Variants in ARL6IP6 observed in about 807,000 individuals in gnomAD.
ARL6IP6 encodes the protein ADP-ribosylation factor-like protein 6-interacting protein 6.
A neutral mutation model predicts 21.5 loss-of-function variants in ARL6IP6; 22 were observed. The ratio of observed to expected loss-of-function variants is 1.02; its 90% CI spans 0.73 to 1.46. The LOEUF is 1.46. Ranked by LOEUF, ARL6IP6 falls within the 40% of genes most tolerant of loss-of-function variation. The probability of loss-of-function intolerance (pLI) is 0.00; values close to 1 mark genes in which losing one functional copy is unlikely to be tolerated. For missense variants in ARL6IP6, 388 were observed against 299.8 expected, an observed-to-expected ratio of 1.29 and a Z score of -2.17; for synonymous variants, 164 against 125.3, an observed-to-expected ratio of 1.31 and a Z score of -2.06.
intron 1 of ARL6IP6, among the ~76,000 whole-genome samples, chr2:152,719,703 A>G (rs1055915377): frequency 6.6e-6 from 1 of 150,408 alleles, no homozygotes; most frequent in Non-Finnish European, 1.5e-5. Context: ...AGCAGAGTTA[A>G]GTTTAAATTT....
At chr2:152,718,564 G>C, upstream of ARL6IP6, 1 of 1,486,888 alleles carries the variant, frequency 6.7e-7, no homozygotes. Flanking sequence ...GGCTGTTGCG[G>C]ACCCGGGGCG....
Position 152,760,708 on chromosome 2 carries a change from A to G in ARL6IP6, c.*868A>G, listed in dbSNP as rs1012111112. The G allele has an allele frequency of 6.6e-6, 1 of 151,980 alleles. No homozygotes were observed. The highest frequency in any genetic ancestry group is 2.4e-5 in the African/African-American group (1 of 41,404). 9.4% of individuals were successfully genotyped at this position (151,980 alleles called of 1,614,324 possible). On this transcript the variant is annotated 3_prime_UTR_variant, in exon 4 of 4. Coordinates refer to ENST00000326446, the MANE Select transcript of ARL6IP6 (RefSeq NM_152522.7). ...TCCAAATATTTATCTTGGTGTATAT[A>G]TTGTTACTTTAACAGAACTTGCATT...
At chr2:152,750,171 G>A (rs1701257069) in intron 3 of ARL6IP6, among the ~76,000 whole-genome samples, 1 of 151,948 alleles carries the variant, frequency 6.6e-6, no homozygotes, top group African/African-American at 2.4e-5. Context: ...TTGCTACCTG[G>A]GATACTTACA....
At chr2:152,717,764 A>T, upstream of ARL6IP6, 12 of 1,262,844 alleles carry the variant, frequency 9.5e-6, no homozygotes, top group Non-Finnish European at 1.2e-5. Flanking sequence ...CTCACCCCGT[A>T]GGGGGTGGGG....
chr2:152,720,140 C>T (rs2105080753), intron 1 of ARL6IP6: 1 of 68,924 alleles, frequency 1.5e-5, no homozygotes, highest in South Asian at 8.5e-5. Flanking sequence ...TGGTTTATTT[C>T]TGTTTTGCTC....
Position 152,757,358 on chromosome 2 carries a change from A to T in ARL6IP6, c.588-2389A>T, listed in dbSNP as rs573056176. Among the ~76,000 whole-genome samples, 7 of 152,304 alleles carry T rather than the reference A, an allele frequency of 4.6e-5. 1 individual carries two copies. In the South Asian group the frequency reaches 1.4e-3, roughly 32 times the overall value. ...GCATTGAACTGTATATAAATGTTAG[A>T]CATTTGCATTTTACTGGTATGCTTT... On this transcript the variant is annotated intron_variant, in intron 3 of 3. Transcript: ENST00000326446.
upstream of ARL6IP6, chr2:152,718,524 G>T (rs1288798325): frequency 2.0e-6 from 3 of 1,470,336 alleles, no homozygotes; most frequent in Non-Finnish European, 2.7e-6. Flanking sequence ...GGGCTCTGAG[G>T]CCTGGTGGTA....
chr2:152,726,532 G>A lies in ARL6IP6; in HGVS notation c.454+5946G>A, dbSNP rs141255920. 1.6e-3 allele frequency among the ~76,000 whole-genome samples: 239 copies of A among 152,254 alleles called. 2 individuals are homozygous for A. The highest frequency in any genetic ancestry group is 4.2e-3 in the Admixed American group (64 of 15,286). The stretch of plus-strand genomic sequence containing the variant: ...AGGATACCAAATTATTTAAAATAAT[G>A]GTCATCCTCTCAAGTTAGAAAACTA... On this transcript the variant is annotated intron_variant, in intron 2 of 3. Coordinates refer to ENST00000326446, the MANE Select transcript of ARL6IP6 (RefSeq NM_152522.7).
chr2:152,752,730 C>T (rs1364031228), intron 3 of ARL6IP6, among the ~76,000 whole-genome samples: 1 of 152,176 alleles, frequency 6.6e-6, no homozygotes, highest in African/African-American at 2.4e-5. Flanking sequence ...GATGTTTGCC[C>T]TTTCCATCTG....
At chr2:152,752,112 CT>C (rs1048569539) in intron 3 of ARL6IP6, among the ~76,000 whole-genome samples, 3 of 152,176 alleles carry the variant, frequency 2.0e-5, no homozygotes, top group Admixed American at 2.0e-4. Context: ...AGGTCCTTTC[CT>C]TTCCCTTATC....
At chr2:152,726,069 G>A (rs1278555246) in intron 2 of ARL6IP6, among the ~76,000 whole-genome samples, 1 of 152,076 alleles carries the variant, frequency 6.6e-6, no homozygotes, top group Non-Finnish European at 1.5e-5. Context: ...TTTAAAGCTG[G>A]ATGATGGGTA....
rs186835785 is a variant in ARL6IP6 at position 152,762,206 on chromosome 2, T to C, written c.*2366T>C. On this transcript the variant is annotated 3_prime_UTR_variant, in exon 4 of 4. Coordinates refer to ENST00000326446, the MANE Select transcript of ARL6IP6 (RefSeq NM_152522.7). ...AGGATTTTTCAGCTTGAAATTAAGA[T>C]GTGACGAAGCTGGGAAAATGCAAGC... Among the ~76,000 whole-genome samples the C allele has an allele frequency of 2.0e-5, 3 of 152,236 alleles. No homozygotes were observed. The highest frequency in any genetic ancestry group is 3.9e-4 in the East Asian group (2 of 5,168).
intron 2 of ARL6IP6, among the ~76,000 whole-genome samples, chr2:152,731,800 C>CT (rs1165572740): frequency 6.6e-6 from 1 of 152,050 alleles, no homozygotes; most frequent in Non-Finnish European, 1.5e-5. Context: ...TTTAAAATAT[C>CT]TAAGTACAAT....
chr2:152,733,219 A>G (rs908029553), intron 2 of ARL6IP6, among the ~76,000 whole-genome samples: 22 of 151,968 alleles, frequency 1.4e-4, no homozygotes, highest in African/African-American at 2.2e-4. Context: ...TTATTAATCT[A>G]TTTGGGCCTT....
At chr2:152,759,381 CA>C (rs1257965737) in intron 3 of ARL6IP6, among the ~76,000 whole-genome samples, 1 of 152,142 alleles carries the variant, frequency 6.6e-6, no homozygotes, top group East Asian at 1.9e-4. Flanking sequence ...CATGGAAACA[CA>C]CCGCTAATTA....
At chr2:152,746,088 G>C (rs983896127) in intron 3 of ARL6IP6, among the ~76,000 whole-genome samples, 10 of 141,518 alleles carry the variant, frequency 7.1e-5, no homozygotes, top group Non-Finnish European at 1.5e-4. Context: ...CATGATCTTG[G>C]GTGACTGCAA....
rs748745307 is a variant in ARL6IP6, at chr2:152,720,603, C to T, written c.454+17C>T. 1.8e-5 allele frequency: 29 copies of T among 1,608,128 alleles called. No individual in the cohort carries two copies. Among genetic ancestry groups the T allele is most frequent in the Non-Finnish European group, 2.3e-5 (27 of 1,176,244 alleles). On this transcript the variant is annotated intron_variant, in intron 2 of 3. Coordinates refer to ENST00000326446, the MANE Select transcript of ARL6IP6 (RefSeq NM_152522.7). ...GACTATTAGGTATGGACTTAATTGCCGCTTGCTTTGGTTTTGAGCTCACGT... is the reference window on the plus strand; with the variant it reads ...GACTATTAGGTATGGACTTAATTGCTGCTTGCTTTGGTTTTGAGCTCACGT...
At chr2:152,739,034 G>A (rs947786864) in intron 3 of ARL6IP6, among the ~76,000 whole-genome samples, 5 of 151,516 alleles carry the variant, frequency 3.3e-5, no homozygotes, top group African/African-American at 1.2e-4. Flanking sequence ...CCAGGCTGGA[G>A]TGCAGTGGCG....
Position 152,718,767 on chromosome 2 carries a change from G to C in ARL6IP6, c.143G>C (p.Cys48Ser), listed in dbSNP as rs1254096547. Residue 48 changes from cysteine (C) to serine (S), a missense_variant, in exon 1 of 4, where the codon TGC becomes TCC. Transcript: ENST00000326446. ...GGCGAAGTCGACGAGGAGGAGGGAT[G>C]CGACCAAGTGGCCCGCGACCTGCGG... is the stretch of plus-strand genomic sequence containing the variant. ...GEGEVDEEEG[C>S]DQVARDLRAE... 12 of 1,609,600 alleles carry C rather than the reference G, an allele frequency of 7.5e-6. No homozygotes were observed. Among genetic ancestry groups the C allele is most frequent in the Non-Finnish European group, 9.3e-6 (11 of 1,177,894 alleles).
Sources: gnomAD v4.1 joint callset for allele counts (sites outside exome capture counted in the v4.1 genomes callset) on GRCh38, gnomAD v4.1.1 for gene constraint, MANE v1.5 for transcripts, NCBI Gene and HGNC (gene_info 2026-07-23, HGNC 2026-07-21) for gene names.